The following TACC2 variants were observed in gnomAD, a reference collection of about 807,000 sequenced individuals.
TACC2 encodes transforming acidic coiled-coil containing protein 2, also known as transforming acidic coiled-coil-containing protein 2.
In TACC2, 137 loss-of-function variants were observed where a neutral mutation model predicts 227.3. The observed-to-expected ratio is 0.60, with a 90% confidence interval of 0.52 to 0.69. TACC2 has a LOEUF of 0.69. Ranked by LOEUF, TACC2 falls within the 30% of genes least tolerant of loss-of-function variation. The pLI is 0.00. For missense variants in TACC2, 3,470 were observed against 3,694.4 expected, an observed-to-expected ratio of 0.94 and a Z score of 1.57; for synonymous variants, 1,523 against 1,487.5, an observed-to-expected ratio of 1.02 and a Z score of -0.55.
At position 122,249,630 on chromosome 10, in the gene TACC2, G is replaced by T. The variant is rs758346924; in HGVS notation, c.8747G>T (p.Arg2916Leu). ...HQASLRKEQL[R>L]VDALERTLEQ... ...GCCAGCCTGCGGAAGGAGCAGCTGC[G>T]AGTGGACGCCCTGGAAAGGACGCTG... The change falls in exon 22 of 23, where the codon CGA becomes CTA. Residue 2916 changes from arginine (R) to leucine (L), a missense_variant. Transcript: ENST00000369005. 1 of 1,613,858 alleles carries T rather than the reference G, an allele frequency of 6.2e-7. No individual in the cohort carries two copies. Among genetic ancestry groups the T allele is most frequent in the Non-Finnish European group, 8.5e-7 (1 of 1,179,972 alleles).
At chr10:122,069,779 T>A (rs1341368989) in intron 3 of TACC2, among the ~76,000 whole-genome samples, 1 of 152,178 alleles carries the variant, frequency 6.6e-6, no homozygotes, top group Non-Finnish European at 1.5e-5. Context: ...GAGACCCTTC[T>A]AGAAAAAAAG....
At chr10:122,005,038 A>G (rs1954888840) in intron 1 of TACC2, among the ~76,000 whole-genome samples, 1 of 152,124 alleles carries the variant, frequency 6.6e-6, no homozygotes, top group Non-Finnish European at 1.5e-5. Flanking sequence ...TAGATTCCTC[A>G]AGACTGAATC....
At chr10:122,127,371 A>T (rs1344427389) in intron 5 of TACC2, among the ~76,000 whole-genome samples, 1 of 152,192 alleles carries the variant, frequency 6.6e-6, no homozygotes, top group East Asian at 1.9e-4. Context: ...AGAACTGAAG[A>T]TGTGGGCTTT....
chr10:122,108,229 A>AAGT (rs1470921068), intron 5 of TACC2, among the ~76,000 whole-genome samples: 1 of 151,932 alleles, frequency 6.6e-6, no homozygotes, highest in Non-Finnish European at 1.5e-5. Context: ...CACATAGCTT[A>AAGT]GCTCCCACTT....
At chr10:122,158,304 G>C (rs2139703934) in intron 7 of TACC2, among the ~76,000 whole-genome samples, 1 of 152,002 alleles carries the variant, frequency 6.6e-6, no homozygotes, top group East Asian at 1.9e-4. Context: ...GAGGAGAATT[G>C]CTTGAACCCA....
chr10:122,016,464 G>C (rs1255661390), intron 1 of TACC2, among the ~76,000 whole-genome samples: 2 of 151,700 alleles, frequency 1.3e-5, no homozygotes, highest in Non-Finnish European at 2.9e-5. Flanking sequence ...CTCCTCGGGA[G>C]GCTGAGGCAG....
chr10:122,034,101 G>A (rs945702386), intron 2 of TACC2, among the ~76,000 whole-genome samples: 4 of 146,800 alleles, frequency 2.7e-5, no homozygotes, highest in Admixed American at 6.9e-5. Context: ...GCAGTGAGCC[G>A]AGACTGTGCC....
intron 9 of TACC2, chr10:122,213,327 G>A: frequency 6.2e-7 from 1 of 1,610,322 alleles, no homozygotes; most frequent in Non-Finnish European, 8.5e-7. Context: ...CTTTTTCTTT[G>A]TCTTCTTGTC....
At chr10:122,178,239 C>A (rs994104501) in intron 7 of TACC2, among the ~76,000 whole-genome samples, 1 of 136,464 alleles carries the variant, frequency 7.3e-6, no homozygotes, top group Non-Finnish European at 1.6e-5. Context: ...TTCTTTCTTT[C>A]TTTTTTTTTT....
chr10:122,087,277 A>G lies in TACC2; in HGVS notation c.4777A>G (p.Arg1593Gly), dbSNP rs754620520. Residue 1593 changes from arginine (R) to glycine (G), a missense_variant, in exon 4 of 23, where the codon AGA becomes GGA. Around this residue, in one of 10 missense-constraint regions of TACC2, gnomAD observed 1,924 missense variants for 1,978.3 expected, o/e 0.97. Coordinates refer to ENST00000369005, the MANE Select transcript of TACC2 (RefSeq NM_206862.4). ...SHGEEAVAQD[R>G]IPSGKQHQET... ...TGGAGAAGAGGCCGTGGCCCAAGAC[A>G]GAATTCCTTCTGGAAAGCAGCACCA... 2 of 1,613,874 alleles carry G rather than the reference A, an allele frequency of 1.2e-6. No homozygotes were observed. The highest frequency in any genetic ancestry group is 3.3e-5 in the Admixed American group (2 of 60,030).
chr10:122,252,178 C>T (rs772811609), intron 22 of TACC2, among the ~76,000 whole-genome samples: 3 of 152,216 alleles, frequency 2.0e-5, no homozygotes, highest in Non-Finnish European at 4.4e-5. Context: ...CTGTACATAA[C>T]GTTGTTTAAC....
chr10:122,161,141 G>T (rs886088682), intron 7 of TACC2, among the ~76,000 whole-genome samples: 10 of 152,026 alleles, frequency 6.6e-5, no homozygotes, highest in African/African-American at 2.4e-4. Flanking sequence ...TCACTATGTT[G>T]CCCAGGCTGG....
At chr10:122,055,108 T>G (rs2076089200) in intron 3 of TACC2, among the ~76,000 whole-genome samples, 1 of 152,076 alleles carries the variant, frequency 6.6e-6, no homozygotes, top group South Asian at 2.1e-4. Flanking sequence ...TAGTCCCAGC[T>G]ACTCTGGAGG....
chr10:122,127,796 A>G (rs548532706), intron 5 of TACC2, among the ~76,000 whole-genome samples: 1 of 152,292 alleles, frequency 6.6e-6, no homozygotes, highest in Non-Finnish European at 1.5e-5. Context: ...AAAGTCAGAA[A>G]GGGCCCGGAG....
intron 17 of TACC2, 98 bp downstream of exon 17, chr10:122,237,636 C>G (rs760918987): frequency 7.0e-7 from 1 of 1,423,614 alleles, no homozygotes; most frequent in Non-Finnish European, 9.5e-7. Context: ...AGACTTTGTC[C>G]TCTGAACGCT....
chr10:122,244,441 ATTCC>A (rs373111494), intron 19 of TACC2, among the ~76,000 whole-genome samples: 10 of 152,228 alleles, frequency 6.6e-5, no homozygotes, highest in African/African-American at 1.9e-4. Flanking sequence ...TGTGGTTGTC[ATTCC>A]TTCAGCCACT....
At chr10:122,149,665 G>A (rs534676200) in intron 7 of TACC2, among the ~76,000 whole-genome samples, 70 of 152,298 alleles carry the variant, frequency 4.6e-4, no homozygotes, top group African/African-American at 1.6e-3. Flanking sequence ...ATGCATCTTC[G>A]CTCTGGAGCC....
At chr10:122,165,149 C>T (rs2093080110) in intron 7 of TACC2, among the ~76,000 whole-genome samples, 1 of 152,208 alleles carries the variant, frequency 6.6e-6, no homozygotes, top group Admixed American at 6.5e-5. Flanking sequence ...AATGGAGGCA[C>T]ATCGCGTTTG....
intron 3 of TACC2, among the ~76,000 whole-genome samples, chr10:122,069,637 A>T (rs1295965748): frequency 6.6e-6 from 1 of 152,198 alleles, no homozygotes; most frequent in African/African-American, 2.4e-5. Flanking sequence ...TCTTGTAGTT[A>T]ATAATTCCTC....
Sources: allele counts gnomAD v4.1 joint callset (sites outside exome capture counted in the v4.1 genomes callset), GRCh38; gene constraint gnomAD v4.1.1; regional missense constraint gnomAD v4.1.1; transcripts MANE v1.5; gene names NCBI Gene and HGNC (gene_info 2026-07-23, HGNC 2026-07-21).